The following NXPE3 variants were observed in gnomAD, a reference collection of about 807,000 sequenced individuals.
NXPE3 encodes neurexophilin and PC-esterase domain family member 3, also known as NXPE family member 3.
A neutral mutation model predicts 46.1 loss-of-function variants in NXPE3; 26 were observed. That is an observed-to-expected ratio of 0.56 (90% confidence interval 0.41 to 0.78). The LOEUF (loss-of-function observed/expected upper bound fraction) is 0.78, where lower values mean the gene tolerates loss of function less well. Among genes scored for constraint, NXPE3 ranks in the 30% least tolerant of loss-of-function variants. The pLI is 0.00. For missense variants in NXPE3, 620 were observed against 686.0 expected (o/e 0.90, Z 1.07); for synonymous variants, 272 against 257.9 (o/e 1.05, Z -0.52).
At chr3:101,786,960 C>T (rs1288329303) in intron 4 of NXPE3, among the ~76,000 whole-genome samples, 1 of 152,118 alleles carries the variant, frequency 6.6e-6, no homozygotes, top group Non-Finnish European at 1.5e-5. Context: ...CAGTGGCTCA[C>T]ACCTGTAATC....
At chr3:101,781,171 C>G (rs1031866079) in intron 1 of NXPE3, among the ~76,000 whole-genome samples, 1 of 152,176 alleles carries the variant, frequency 6.6e-6, no homozygotes, top group Admixed American at 6.5e-5. Context: ...AACTAAAGTT[C>G]CAGACACTTG....
chr3:101,819,331 A>T (rs191453025), intron 7 of NXPE3, among the ~76,000 whole-genome samples: 2 of 152,334 alleles, frequency 1.3e-5, no homozygotes, highest in African/African-American at 4.8e-5. Flanking sequence ...GTTTTTTAGG[A>T]ATAACAAGGA....
chr3:101,780,533 A>G (rs988124151), intron 1 of NXPE3, among the ~76,000 whole-genome samples: 10 of 152,186 alleles, frequency 6.6e-5, no homozygotes, highest in African/African-American at 2.4e-4. Flanking sequence ...TGGTTCTCCC[A>G]CTTGGCTGTA....
At chr3:101,785,168 CT>C (rs1325538164) in intron 3 of NXPE3, among the ~76,000 whole-genome samples, 4 of 152,106 alleles carry the variant, frequency 2.6e-5, no homozygotes, top group Admixed American at 2.6e-4. Flanking sequence ...AAGTTAAAAC[CT>C]AAATAGGCAA....
intron 4 of NXPE3, among the ~76,000 whole-genome samples, chr3:101,786,857 T>C (rs149455882): frequency 0.011 from 1,656 of 152,318 alleles, 11 homozygotes; most frequent in Middle Eastern, 0.037. Flanking sequence ...TTCACATTGT[T>C]GTGCAATCAC....
At chr3:101,815,323 G>A (rs1404183768) in intron 6 of NXPE3, among the ~76,000 whole-genome samples, 2 of 152,202 alleles carry the variant, frequency 1.3e-5, no homozygotes, top group African/African-American at 4.8e-5. Context: ...TCCATATTAA[G>A]TGGTGTTTTT....
rs1941451987 is a variant in NXPE3, at chr3:101,807,080, C to T, written c.876C>T (p.Asn292=). Residue 292 remains asparagine, a synonymous_variant, in exon 6 of 8, where the codon AAC becomes AAT. Transcript: ENST00000273347. ...GTGTCAATATCAAAATGCCAGTCAA[C>T]TCCAGTGGACCTGATTGGGTAACTG... The part of the protein sequence containing the change: ...QSGVNIKMPV[N]SSGPDWVTVI... 7 of 1,613,240 alleles carry T rather than the reference C, an allele frequency of 4.3e-6. No homozygotes were observed. The East Asian group carries it at 1.6e-4, about 36-fold the overall frequency.
intron 6 of NXPE3, among the ~76,000 whole-genome samples, chr3:101,812,404 A>G (rs1366363958): frequency 1.3e-5 from 2 of 152,150 alleles, no homozygotes; most frequent in African/African-American, 2.4e-5. Flanking sequence ...AGCCTCCTCA[A>G]TATATCAGCA....
chr3:101,811,418 T>C lies in NXPE3; in HGVS notation c.922+4292T>C, dbSNP rs370197996. Among the ~76,000 whole-genome samples the C allele has an allele frequency of 5.3e-5, 8 of 152,350 alleles. No individual in the cohort carries two copies. In the East Asian group the frequency reaches 1.5e-3, roughly 29 times the overall value. Reference sequence around the variant, plus strand: ...CTTTACTATTCACACTATTACAGTATTGAATTTTCACAATAACCCTTCAAA... The same window carrying C: ...CTTTACTATTCACACTATTACAGTACTGAATTTTCACAATAACCCTTCAAA... On this transcript the variant is annotated intron_variant, in intron 6 of 7. Transcript: ENST00000273347.
In NXPE3 at chr3:101,825,791, G is replaced by T. The variant is rs1942466892; in HGVS notation, c.*3837G>T. 6.6e-6 allele frequency: 1 copy of T among 152,098 alleles called. No homozygotes were observed. The highest frequency in any genetic ancestry group is 1.5e-5 in the Non-Finnish European group (1 of 68,010). The allele number at this position is 152,098 out of a possible 1,614,324, so 9.4% of individuals were successfully genotyped here. A position where few individuals can be genotyped will look rare whatever the true frequency, so the allele number is the denominator to read the frequency against. ...GCAGTGGTTTATATCAATTTCAGTG[G>T]TTTAAAATATGAATTTCTATTTTGG... On this transcript the variant is annotated 3_prime_UTR_variant, in exon 8 of 8. Transcript: ENST00000273347.
intron 5 of NXPE3, 150 bp downstream of exon 5, chr3:101,802,139 CAT>C: frequency 1.5e-6 from 1 of 651,450 alleles, no homozygotes; most frequent in Non-Finnish European, 2.5e-6. Flanking sequence ...AAAAAAAAAA[CAT>C]AGATTTGTAT....
At chr3:101,805,698 C>T (rs534985782) in intron 5 of NXPE3, among the ~76,000 whole-genome samples, 27 of 152,288 alleles carry the variant, frequency 1.8e-4, no homozygotes, top group Middle Eastern at 3.4e-3. Flanking sequence ...GTCTTGGCCT[C>T]CCAAAGTGCT....
At chr3:101,786,561 TAATTCTGTTAAA>T (rs1392332570) in intron 4 of NXPE3, among the ~76,000 whole-genome samples, 3 of 152,264 alleles carry the variant, frequency 2.0e-5, no homozygotes, top group Non-Finnish European at 2.9e-5. Flanking sequence ...GAATGTGAAG[TAATTCTGTTAAA>T]GATTCTGTTA....
At chr3:101,798,444 G>A (rs1030369997) in intron 4 of NXPE3, among the ~76,000 whole-genome samples, 75 of 151,598 alleles carry the variant, frequency 4.9e-4, no homozygotes, top group African/African-American at 1.7e-3. Flanking sequence ...GAGTGCGGTG[G>A]CACAGTCATT....
chr3:101,798,541 GTAT>G (rs1940962695), intron 4 of NXPE3, among the ~76,000 whole-genome samples: 1 of 126,674 alleles, frequency 7.9e-6, no homozygotes, highest in Non-Finnish European at 1.7e-5. Flanking sequence ...ATGTATATAT[GTAT>G]GTAGATATAT....
In NXPE3 at chr3:101,822,703, A is replaced by G. The variant is rs756281066; in HGVS notation, c.*749A>G. On this transcript the variant is annotated 3_prime_UTR_variant, in exon 8 of 8. Transcript: ENST00000273347. ...CTTACTCTAGAATAACTACTTTTGG[A>G]ACTGGAAGGGGGAAATCTGTAAATG... 19 of 152,160 alleles carry G rather than the reference A, an allele frequency of 1.2e-4. No individual in the cohort carries two copies. Among genetic ancestry groups the G allele is most frequent in the Non-Finnish European group, 1.9e-4 (13 of 68,024 alleles). 9.4% of individuals were successfully genotyped at this position (152,160 alleles called of 1,614,324 possible). A position where few individuals can be genotyped will look rare whatever the true frequency, so the allele number is the denominator to read the frequency against.
rs1183665524 is a variant in NXPE3, at chr3:101,801,286, T to C, written c.145T>C (p.Phe49Leu). Reference protein sequence around the residue: ...SATFIDSSGQFVSSQVTGISR... With the variant: ...SATFIDSSGQLVSSQVTGISR... ...CACTTTCATCGACAGCAGTGGACAG[T>C]TTGTTTCCTCCCAGGTGACAGGAAT... is the stretch of plus-strand genomic sequence containing the variant. The change falls in exon 5 of 8, where the codon TTT becomes CTT. Residue 49 changes from phenylalanine (F) to leucine (L), a missense_variant. Coordinates refer to ENST00000273347, the MANE Select transcript of NXPE3 (RefSeq NM_145037.4). 6.2e-7 allele frequency: 1 copy of C among 1,614,130 alleles called. No homozygotes were observed. The highest frequency in any genetic ancestry group is 8.5e-7 in the Non-Finnish European group (1 of 1,179,994).
At chr3:101,815,502 T>G (rs1941930127) in intron 6 of NXPE3, among the ~76,000 whole-genome samples, 1 of 152,252 alleles carries the variant, frequency 6.6e-6, no homozygotes, top group Admixed American at 6.5e-5. Context: ...GGGAGAATGC[T>G]GGATAAATGC....
rs1942493821 is a variant in NXPE3 at position 101,826,543 on chromosome 3, T to C, written c.*4589T>C. ...AATAAATAAAATTTTGAAGTTGTTG[T>C]TTTTCATTTGAAGGTGAGACCACAG... On this transcript the variant is annotated 3_prime_UTR_variant, in exon 8 of 8. Coordinates refer to ENST00000273347, the MANE Select transcript of NXPE3 (RefSeq NM_145037.4). 1 of 152,112 alleles carries C rather than the reference T, an allele frequency of 6.6e-6. No individual in the cohort carries two copies. The highest frequency in any genetic ancestry group is 1.9e-4 in the East Asian group (1 of 5,196). The allele number at this position is 152,112 out of a possible 1,614,324, so 9.4% of individuals were successfully genotyped here.
Sources: gnomAD v4.1 joint callset for allele counts (sites outside exome capture counted in the v4.1 genomes callset) on GRCh38, gnomAD v4.1.1 for gene constraint, MANE v1.5 for transcripts, NCBI Gene and HGNC (gene_info 2026-07-23, HGNC 2026-07-21) for gene names.